PCOLCE: variants seen among roughly 807,000 people sequenced by gnomAD.
PCOLCE encodes the protein procollagen C-endopeptidase enhancer.
Under a neutral mutation model 47.2 loss-of-function variants are expected in PCOLCE, and 33 were observed. The ratio of observed to expected loss-of-function variants is 0.70; its 90% confidence interval spans 0.53 to 0.93. The LOEUF (loss-of-function observed/expected upper bound fraction) is 0.93. Ranked by LOEUF, PCOLCE falls within the 40% of genes least tolerant of loss-of-function variation. PCOLCE has a pLI of 0.00. For missense variants in PCOLCE, 584 were observed against 585.3 expected (o/e 1.00, Z 0.02); for synonymous variants, 254 against 252.5 (o/e 1.01, Z -0.06).
Position 100,602,386 on chromosome 7 carries a change from C to T in PCOLCE, c.-71C>T. On this transcript the variant is annotated 5_prime_UTR_variant, in exon 1 of 9. Transcript: ENST00000223061. ...CTGATTATCCTGCTGCTGCCGCCAC[C>T]GCTGCTGCTGCTCTGCAAAATTCAG... 3 of 1,014,638 alleles carry T rather than the reference C, an allele frequency of 3.0e-6. No individual in the cohort carries two copies. The highest frequency in any genetic ancestry group is 2.5e-5 in the South Asian group (2 of 79,258). 62.9% of individuals were successfully genotyped at this position (1,014,638 alleles called of 1,614,324 possible).
At chr7:100,602,642 T>G (rs931661130) in intron 1 of PCOLCE, 91 bp downstream of exon 1, 34 of 822,952 alleles carry the variant, frequency 4.1e-5, no homozygotes, top group Non-Finnish European at 6.5e-5. Context: ...TGGGTTCCCT[T>G]GCTGACACAC....
At chr7:100,603,745 C>G (rs1366349686) in intron 2 of PCOLCE, 9 of 618,182 alleles carry the variant, frequency 1.5e-5, no homozygotes, top group Non-Finnish European at 2.6e-5. Flanking sequence ...CTCCAGTCCC[C>G]GGCCCTCCCT....
In PCOLCE at chr7:100,604,354, T is replaced by A; in HGVS notation, c.463+137T>A. On this transcript the variant is annotated intron_variant, in intron 3 of 8. Transcript: ENST00000223061. This position sits in a 1 kb window ranked among gnomAD's most constrained non-coding sequence, Gnocchi z 6.4. ...CCCCTACCTCCCTGACCCATTTTCCTCACTAACCGCCCCTTCAGTCCCTCC... is the reference window on the plus strand; with the variant it reads ...CCCCTACCTCCCTGACCCATTTTCCACACTAACCGCCCCTTCAGTCCCTCC... 1 of 682,842 alleles carries A rather than the reference T, an allele frequency of 1.5e-6. No homozygotes were observed. Among genetic ancestry groups the A allele is most frequent in the South Asian group, 1.8e-5 (1 of 54,176 alleles). 42.3% of individuals were successfully genotyped at this position (682,842 alleles called of 1,614,324 possible). A position where few individuals can be genotyped will look rare whatever the true frequency, so the allele number is the denominator to read the frequency against.
chr7:100,605,107 G>T lies in PCOLCE; in HGVS notation c.480G>T (p.Gly160=). 1 of 1,612,060 alleles carries T rather than the reference G, an allele frequency of 6.2e-7. No individual in the cohort carries two copies. The highest frequency in any genetic ancestry group is 8.5e-7 in the Non-Finnish European group (1 of 1,179,258). ...ATSGTEHQFC[G]GRLEKAQGTL... is the part of the protein sequence containing the mutation. ...CCTCCCCAGAGCACCAATTTTGCGGGGGGCGGCTGGAGAAGGCCCAGGGAA... is the reference window on the plus strand; with the variant it reads ...CCTCCCCAGAGCACCAATTTTGCGGTGGGCGGCTGGAGAAGGCCCAGGGAA... Residue 160 remains glycine (G), a synonymous_variant, in exon 4 of 9, where the codon GGG becomes GGT. Coordinates refer to ENST00000223061, the MANE Select transcript of PCOLCE (RefSeq NM_002593.4). This position sits in a 1 kb window ranked among gnomAD's most constrained non-coding sequence, Gnocchi z 6.1.
In PCOLCE at chr7:100,606,519, ACTGC is replaced by A. The variant is rs1379978345; in HGVS notation, c.831_834del (p.Ala278LysfsTer61). The A allele has an allele frequency of 2.5e-6, 4 of 1,614,072 alleles. No individual in the cohort carries two copies. Among genetic ancestry groups the A allele is most frequent in the Non-Finnish European group, 3.4e-6 (4 of 1,180,018 alleles). On this transcript the variant is annotated frameshift_variant, in exon 6 of 9. Coordinates refer to ENST00000223061, the MANE Select transcript of PCOLCE (RefSeq NM_002593.4). LOFTEE classifies it high-confidence loss of function. Reference sequence around the variant, plus strand: ...CTCCTACAAGACCCTGCCGCGGGGCACTGCCAAAGAAGGGCAAGGGCCCGGCCCC... The same window carrying A: ...CTCCTACAAGACCCTGCCGCGGGGCACAAAGAAGGGCAAGGGCCCGGCCCC...
chr7:100,607,466 C>T lies in PCOLCE; in HGVS notation c.955C>T (p.Pro319Ser), dbSNP rs755379896. 1.2e-6 allele frequency: 2 copies of T among 1,614,100 alleles called. No individual in the cohort carries two copies. The highest frequency in any genetic ancestry group is 1.7e-6 in the Non-Finnish European group (2 of 1,180,000). ...CTCCCTCCTAGATGCACCCACCTGC[C>T]CAAAGCAGTGCCGCCGGACAGGCAC... ...SPSAPDAPTC[P>S]KQCRRTGTLQ... The change falls in exon 7 of 9, where the codon CCA becomes TCA. Residue 319 changes from proline (P) to serine (S), a missense_variant. Pro to Ser is a moderately conservative substitution (Grantham distance 74). Coordinates refer to ENST00000223061, the MANE Select transcript of PCOLCE (RefSeq NM_002593.4).
In PCOLCE at chr7:100,605,439, G is replaced by A. The variant is rs1214992742; in HGVS notation, c.588+224G>A. The A allele has an allele frequency of 1.1e-5, 7 of 650,238 alleles. No individual in the cohort carries two copies. The highest frequency in any genetic ancestry group is 1.8e-5 in the Non-Finnish European group (7 of 382,310). The allele number at this position is 650,238 out of a possible 1,614,324, so 40.3% of individuals were successfully genotyped here. A position where few individuals can be genotyped will look rare whatever the true frequency, so the allele number is the denominator to read the frequency against. ...GGTACAGGGTCCTGGTATAACACGC[G>A]GGCCTGTCACTTGTGAGTGCGCCAG... On this transcript the variant is annotated intron_variant, in intron 4 of 8. Coordinates refer to ENST00000223061, the MANE Select transcript of PCOLCE (RefSeq NM_002593.4). This position sits in a 1 kb window ranked among gnomAD's most constrained non-coding sequence, Gnocchi z 6.1.
rs1440663916 is a variant in PCOLCE at position 100,606,528 on chromosome 7, G to C, written c.838G>C (p.Glu280Gln). 1.2e-6 allele frequency: 2 copies of C among 1,614,112 alleles called. No homozygotes were observed. The highest frequency in any genetic ancestry group is 8.5e-7 in the Non-Finnish European group (1 of 1,180,032). Residue 280 changes from glutamate to glutamine, a missense_variant, in exon 6 of 9, where the codon GAA becomes CAA. Coordinates refer to ENST00000223061, the MANE Select transcript of PCOLCE (RefSeq NM_002593.4). ...GACCCTGCCGCGGGGCACTGCCAAA[G>C]AAGGGCAAGGGCCCGGCCCCAAACG... ...YKTLPRGTAK[E>Q]GQGPGPKRGT... is the part of the protein sequence containing the mutation.
In PCOLCE at chr7:100,607,498, G is replaced by A; in HGVS notation, c.987G>A (p.Gln329=). The A allele has an allele frequency of 6.2e-7, 1 of 1,614,052 alleles. No individual in the cohort carries two copies. The highest frequency in any genetic ancestry group is 1.1e-5 in the South Asian group (1 of 91,070). Residue 329 remains glutamine (Q), a synonymous_variant, in exon 7 of 9, where the codon CAG becomes CAA. Coordinates refer to ENST00000223061, the MANE Select transcript of PCOLCE (RefSeq NM_002593.4). ...AGTGCCGCCGGACAGGCACCTTGCA[G>A]AGCAACTTCTGTGCCAGCAGCCTTG... ...PKQCRRTGTL[Q]SNFCASSLVV...
In PCOLCE at chr7:100,604,801, G is replaced by A; in HGVS notation, c.464-290G>A. ...GAGATGGGATCTCCTAGGGGAAGAG[G>A]CGCGGTGCGGCCGCGGGTCGGGGAG... On this transcript the variant is annotated intron_variant, in intron 3 of 8. Coordinates refer to ENST00000223061, the MANE Select transcript of PCOLCE (RefSeq NM_002593.4). The surrounding 1 kb of genome is among the most constrained non-coding windows in gnomAD (Gnocchi z 6.4). 1 of 455,896 alleles carries A rather than the reference G, an allele frequency of 2.2e-6. No individual in the cohort carries two copies. Among genetic ancestry groups the A allele is most frequent in the South Asian group, 2.9e-5 (1 of 34,492 alleles). The allele number at this position is 455,896 out of a possible 1,614,324, so 28.2% of individuals were successfully genotyped here. A position where few individuals can be genotyped will look rare whatever the true frequency, so the allele number is the denominator to read the frequency against.
rs781779484 is a variant in PCOLCE, at chr7:100,608,020, C to A, written c.1267C>A (p.Pro423Thr). The A allele has an allele frequency of 6.2e-7, 1 of 1,614,010 alleles. No individual in the cohort carries two copies. Among genetic ancestry groups the A allele is most frequent in the African/African-American group, 1.3e-5 (1 of 74,932 alleles). ...PPESFVVLHR[P>T]NQDQILTNLS... ...AGAGAGCTTTGTGGTTCTCCACCGGCCCAACCAGGACCAGATCCTCACCAA... is the reference window on the plus strand; with the variant it reads ...AGAGAGCTTTGTGGTTCTCCACCGGACCAACCAGGACCAGATCCTCACCAA... Residue 423 changes from proline (P) to threonine (T), a missense_variant, in exon 9 of 9, where the codon CCC becomes ACC. Physicochemically the swap from Pro to Thr is conservative, Grantham distance 38 (BLOSUM62 -1). Coordinates refer to ENST00000223061, the MANE Select transcript of PCOLCE (RefSeq NM_002593.4).
In PCOLCE at chr7:100,607,499, A is replaced by G. The variant is rs770105021; in HGVS notation, c.988A>G (p.Ser330Gly). 5 of 1,613,956 alleles carry G rather than the reference A, an allele frequency of 3.1e-6. No homozygotes were observed. The Admixed American group carries it at 6.7e-5, about 22-fold the overall frequency. Residue 330 changes from serine (S) to glycine (G), a missense_variant, in exon 7 of 9, where the codon AGC becomes GGC. Ser to Gly is a moderately conservative substitution (Grantham distance 56, BLOSUM62 0). Coordinates refer to ENST00000223061, the MANE Select transcript of PCOLCE (RefSeq NM_002593.4). ...GTGCCGCCGGACAGGCACCTTGCAG[A>G]GCAACTTCTGTGCCAGCAGCCTTGG... ...KQCRRTGTLQ[S>G]NFCASSLVVT...
chr7:100,604,630 T>G lies in PCOLCE; in HGVS notation c.463+413T>G. On this transcript the variant is annotated intron_variant, in intron 3 of 8. Coordinates refer to ENST00000223061, the MANE Select transcript of PCOLCE (RefSeq NM_002593.4). This position sits in a 1 kb window ranked among gnomAD's most constrained non-coding sequence, Gnocchi z 6.4. ...CCTACACCCAGCCCTGGGCTCCCGA[T>G]TGCGGTCCCATCACCCCCTCCTGGC... 2 of 324,118 alleles carry G rather than the reference T, an allele frequency of 6.2e-6. No homozygotes were observed. The highest frequency in any genetic ancestry group is 2.8e-5 in the South Asian group (1 of 36,194). The allele number at this position is 324,118 out of a possible 1,614,324, so 20.1% of individuals were successfully genotyped here.
chr7:100,608,059 A>C lies in PCOLCE; in HGVS notation c.1306A>C (p.Lys436Gln). 8 of 1,613,930 alleles carry C rather than the reference A, an allele frequency of 5.0e-6. No individual in the cohort carries two copies. The highest frequency in any genetic ancestry group is 6.8e-6 in the Non-Finnish European group (8 of 1,180,018). Residue 436 changes from lysine (K) to glutamine (Q), a missense_variant, in exon 9 of 9, where the codon AAG becomes CAG. Coordinates refer to ENST00000223061, the MANE Select transcript of PCOLCE (RefSeq NM_002593.4). ...DQILTNLSKRKCPSQPVRAAA... is the reference protein window; with the variant it reads ...DQILTNLSKRQCPSQPVRAAA... ...GATCCTCACCAACCTAAGCAAGAGG[A>C]AGTGCCCCTCTCAACCTGTGCGGGC... is the stretch of plus-strand genomic sequence containing the variant.
rs768865593 is a variant in PCOLCE, at chr7:100,605,703, G to T, written c.616G>T (p.Asp206Tyr). The change falls in exon 5 of 9, where the codon GAC becomes TAC. Residue 206 changes from aspartate to tyrosine, a missense_variant. Transcript: ENST00000223061. This position sits in a 1 kb window ranked among gnomAD's most constrained non-coding sequence, Gnocchi z 6.1. ...QVIALTFEKFDLEPDTYCRYD... is the reference protein window; with the variant it reads ...QVIALTFEKFYLEPDTYCRYD... ...CATCGCGCTGACCTTCGAGAAGTTTGACCTGGAGCCGGACACCTACTGCCG... is the reference window on the plus strand; with the variant it reads ...CATCGCGCTGACCTTCGAGAAGTTTTACCTGGAGCCGGACACCTACTGCCG... 6.3e-7 allele frequency: 1 copy of T among 1,582,430 alleles called. No individual in the cohort carries two copies. The highest frequency in any genetic ancestry group is 1.3e-5 in the African/African-American group (1 of 74,376).
chr7:100,602,902 G>C (rs1461760898), intron 1 of PCOLCE: 2 of 353,492 alleles, frequency 5.7e-6, no homozygotes, highest in Non-Finnish European at 1.0e-5. Flanking sequence ...GGGAGGAGGG[G>C]GCAGTGAGTG....
At position 100,607,385 on chromosome 7, in the gene PCOLCE, G is replaced by T. The variant is rs1562827998; in HGVS notation, c.941-67G>T. 3.2e-6 allele frequency: 4 copies of T among 1,248,372 alleles called. No homozygotes were observed. In the South Asian group the frequency reaches 3.7e-5, roughly 11 times the overall value. 77.3% of individuals were successfully genotyped at this position (1,248,372 alleles called of 1,614,324 possible). On this transcript the variant is annotated intron_variant, in intron 6 of 8. Coordinates refer to ENST00000223061, the MANE Select transcript of PCOLCE (RefSeq NM_002593.4). ...GCTCTGAACAGTTCAAGTCAATGAG[G>T]CTGTTATGGGGACAGTGCTCCCTCC... is the stretch of plus-strand genomic sequence containing the variant.
Position 100,604,223 on chromosome 7 carries a change from A to G in PCOLCE, c.463+6A>G. ...GCGGGCCACCTCGGGCACTGGTGAGAACTCCCTCACCTCCGCCTTCCCCCC... is the reference window on the plus strand; with the variant it reads ...GCGGGCCACCTCGGGCACTGGTGAGGACTCCCTCACCTCCGCCTTCCCCCC... On this transcript the variant is annotated splice_donor_region_variant and intron_variant, in intron 3 of 8. Transcript: ENST00000223061. The surrounding 1 kb of genome is among the most constrained non-coding windows in gnomAD (Gnocchi z 6.4). 6.2e-7 allele frequency: 1 copy of G among 1,605,702 alleles called. No homozygotes were observed. Among genetic ancestry groups the G allele is most frequent in the Non-Finnish European group, 8.5e-7 (1 of 1,177,536 alleles).
At chr7:100,607,423 A>G (rs775092234) in intron 6 of PCOLCE, 29 bp from the exon 7 acceptor site, 2 of 1,583,746 alleles carry the variant, frequency 1.3e-6, no homozygotes, top group Non-Finnish European at 1.7e-6. Flanking sequence ...CCTGCTGAGC[A>G]GGTCACCCTC....
Sources: allele counts gnomAD v4.1 joint callset, GRCh38; gene constraint gnomAD v4.1.1; non-coding constraint Gnocchi (gnomAD v3.1); transcripts MANE v1.5; gene names NCBI Gene and HGNC (gene_info 2026-07-23, HGNC 2026-07-21).